NPIPB2: variants seen among roughly 807,000 people sequenced by gnomAD.
NPIPB2 encodes nuclear pore complex-interacting protein family member B2.
NPIPB2 carries 27 observed loss-of-function variants against 30.8 expected under a neutral mutation model. That is an observed-to-expected ratio of 0.88 (90% CI 0.65 to 1.21). NPIPB2 has a LOEUF of 1.21. Ranked by LOEUF, NPIPB2 falls within the 50% of genes most tolerant of loss-of-function variation. NPIPB2 has a pLI of 0.00. For missense variants in NPIPB2, 440 were observed against 446.2 expected, an observed-to-expected ratio of 0.99 and a Z score of 0.13; for synonymous variants, 147 against 162.0, an observed-to-expected ratio of 0.91 and a Z score of 0.70.
intron 1 of NPIPB2, among the ~76,000 whole-genome samples, chr16:11,937,999 C>G (rs1015717978): frequency 9.9e-5 from 15 of 152,204 alleles, no homozygotes; most frequent in African/African-American, 2.7e-4. Flanking sequence ...CTAACAATAG[C>G]TGATGATCTA....
rs141584024 is a variant in NPIPB2 at position 11,927,453 on chromosome 16, C to A, written c.1114G>T (p.Ala372Ser). Reference sequence around the variant, plus strand: ...TCGGGTGATGATGGTTCCACCTCAGCGGCCCTCCGCCTCTTGGGTTCGGGT... The same window carrying A: ...TCGGGTGATGATGGTTCCACCTCAGAGGCCCTCCGCCTCTTGGGTTCGGGT... The change falls in exon 8 of 8, where the codon GCT (alanine) becomes TCT (serine). Residue 372 changes from alanine to serine, a missense_variant. Physicochemically the swap from Ala to Ser is moderately conservative, Grantham distance 99 (BLOSUM62 1). Around this residue, in one of 3 missense-constraint regions of NPIPB2, gnomAD observed 140 missense variants for 116.8 expected, o/e 1.20. Coordinates refer to ENST00000399147, the Ensembl canonical transcript of NPIPB2. The A allele has an allele frequency of 4.5e-6, 5 of 1,102,836 alleles. No homozygotes were observed. In the South Asian group the frequency reaches 7.0e-5, roughly 16 times the overall value. The allele number at this position is 1,102,836 out of a possible 1,614,324, so 68.3% of individuals were successfully genotyped here.
chr16:11,952,027 C>T (rs1008046379), intron 1 of NPIPB2, among the ~76,000 whole-genome samples: 1 of 151,972 alleles, frequency 6.6e-6, no homozygotes, highest in East Asian at 1.9e-4. Flanking sequence ...GGCGTAGTGG[C>T]GGGCGCCTGT....
At chr16:11,970,569 CTT>C (rs2055229709) in intron 1 of NPIPB2, among the ~76,000 whole-genome samples, 2 of 151,726 alleles carry the variant, frequency 1.3e-5, no homozygotes, top group Non-Finnish European at 2.9e-5. Flanking sequence ...CAGTTTCACT[CTT>C]GTTGCCCAGG....
At chr16:11,933,988 T>C (rs2054829895) in intron 2 of NPIPB2, 64 bp from the exon 3 acceptor site, 4 of 1,335,194 alleles carry the variant, frequency 3.0e-6, no homozygotes, top group East Asian at 2.3e-5. Flanking sequence ...ATCCCAGTAC[T>C]TTGGGAGGCC....
At chr16:11,931,997 GGATTGAGGGTCTGCCAATGAAAGC>G (rs1213784548) in intron 4 of NPIPB2, among the ~76,000 whole-genome samples, 1 of 150,762 alleles carries the variant, frequency 6.6e-6, no homozygotes, top group Non-Finnish European at 1.5e-5. Flanking sequence ...GAAAACAAGT[GGATTGAGGGTCTGCCAATGAAAGC>G]GACCCATACT....
rs1268693407 is a variant in NPIPB2 at position 11,960,356 on chromosome 16, T to TC, written c.-584+16211_-584+16212insG. On this transcript the variant is annotated intron_variant, in intron 1 of 5. Coordinates refer to the NPIPB2 transcript ENST00000538896. ...CTGGCTTCCCAGGTATGGTTCCCTT[T>TC]TTTTTTTTTTTTTTTTGAGACAGAG... 3.0e-3 allele frequency among the ~76,000 whole-genome samples: 437 copies of TC among 147,500 alleles called. 3 individuals carry two copies. Among genetic ancestry groups the TC allele is most frequent in the African/African-American group, 0.01 (408 of 40,612 alleles).
upstream of NPIPB2, among the ~76,000 whole-genome samples, chr16:11,943,334 T>TACAA (rs545311960): frequency 1.3e-5 from 2 of 151,876 alleles, no homozygotes; most frequent in South Asian, 2.1e-4. Flanking sequence ...CAGCAACAAC[T>TACAA]ACAAACAAAC....
At chr16:11,963,328 C>A (rs543294894) in intron 1 of NPIPB2, among the ~76,000 whole-genome samples, 69 of 148,182 alleles carry the variant, frequency 4.7e-4, no homozygotes, top group African/African-American at 1.7e-3. Flanking sequence ...TGCAGTGAGC[C>A]GAGATCGCGC....
intron 1 of NPIPB2, among the ~76,000 whole-genome samples, chr16:11,971,177 G>A (rs1596509502): frequency 6.6e-6 from 1 of 152,084 alleles, no homozygotes; most frequent in African/African-American, 2.4e-5. Flanking sequence ...ATTTTCATCT[G>A]CTACATTGTT....
intron 1 of NPIPB2, chr16:11,966,065 C>T (rs1008343927): frequency 2.2e-5 from 18 of 830,744 alleles, no homozygotes; most frequent in African/African-American, 1.2e-4. Context: ...GAGCCGAGAT[C>T]GCGCCACTGC....
intron 1 of NPIPB2, among the ~76,000 whole-genome samples, chr16:11,972,161 C>G (rs1304832821): frequency 6.6e-6 from 1 of 151,736 alleles, no homozygotes; most frequent in Non-Finnish European, 1.5e-5. Flanking sequence ...AAAACAAAAA[C>G]AAACCAACAA....
chr16:11,965,859 C>A (rs12929291), intron 1 of NPIPB2, among the ~76,000 whole-genome samples: 189 of 152,258 alleles, frequency 1.2e-3, no homozygotes, highest in South Asian at 5.0e-3. Flanking sequence ...CCTGTAATCC[C>A]AGCACTTTGG....
intron 1 of NPIPB2, among the ~76,000 whole-genome samples, chr16:11,951,054 A>C (rs1305563024): frequency 6.6e-6 from 1 of 152,142 alleles, no homozygotes; most frequent in South Asian, 2.1e-4. Flanking sequence ...CACACCTTTC[A>C]AATCAATTTG....
chr16:11,961,152 TGCACCCA>T (rs1419393629), intron 1 of NPIPB2, among the ~76,000 whole-genome samples: 1 of 152,172 alleles, frequency 6.6e-6, no homozygotes, highest in African/African-American at 2.4e-5. Context: ...TGTGAGCCAC[TGCACCCA>T]GCCTGGGAGA....
Position 11,951,706 on chromosome 16 carries a change from G to T in NPIPB2, c.-583-9592C>A, listed in dbSNP as rs142919579. Among the ~76,000 whole-genome samples the T allele has an allele frequency of 3.3e-4, 50 of 150,140 alleles. No homozygotes were observed. The East Asian group carries it at 5.3e-3, about 16-fold the overall frequency. ...AACAAAATTCAGAGTATGTCAAAGG[G>T]AAAAGGTTTTTTATGGTATTGATAG... On this transcript the variant is annotated intron_variant, in intron 1 of 5. Coordinates refer to the NPIPB2 transcript ENST00000538896.
At chr16:11,943,292 C>G (rs960892883), upstream of NPIPB2, among the ~76,000 whole-genome samples, 6 of 152,184 alleles carry the variant, frequency 3.9e-5, no homozygotes, top group African/African-American at 1.4e-4. Flanking sequence ...GCACTCCAGC[C>G]TAGGCGACAG....
At chr16:11,966,480 T>A (rs1250589346) in intron 1 of NPIPB2, 16 of 892,742 alleles carry the variant, frequency 1.8e-5, no homozygotes, top group Non-Finnish European at 2.4e-5. Context: ...TTACATTAAA[T>A]GAACTTGGTA....
chr16:11,954,226 C>T (rs111428490), intron 1 of NPIPB2, among the ~76,000 whole-genome samples: 57 of 151,946 alleles, frequency 3.8e-4, no homozygotes, highest in African/African-American at 1.4e-3. Context: ...GTGGCTAATG[C>T]CTGTAATCCC....
chr16:11,944,223 G>T (rs1314723288), upstream of NPIPB2, among the ~76,000 whole-genome samples: 1 of 148,204 alleles, frequency 6.7e-6, no homozygotes, highest in Non-Finnish European at 1.5e-5. Context: ...AGGTTGGAAT[G>T]CACTATTGCG....
Sources: allele counts gnomAD v4.1 joint callset (sites outside exome capture counted in the v4.1 genomes callset), GRCh38; gene constraint gnomAD v4.1.1; regional missense constraint gnomAD v4.1.1; transcripts MANE v1.5; gene names NCBI Gene and HGNC (gene_info 2026-07-23, HGNC 2026-07-21).